NPHS1: variants seen among roughly 807,000 people sequenced by gnomAD.
The protein encoded by NPHS1 is nephrin.
In NPHS1, 107 loss-of-function variants were observed where a neutral mutation model predicts 139.7. The observed-to-expected ratio is 0.77, with a 90% CI of 0.66 to 0.90. The LOEUF is 0.90. NPHS1 is among the 40% of genes least tolerant of loss of function. The pLI, the probability that NPHS1 is intolerant of heterozygous loss-of-function variation, is 0.00. For missense variants in NPHS1, 1,580 were observed against 1,654.2 expected, an observed-to-expected ratio of 0.96 and a Z score of 0.78; for synonymous variants, 707 against 706.6, an observed-to-expected ratio of 1.00 and a Z score of -0.01.
intron 4 of NPHS1, 105 bp downstream of exon 4, chr19:35,850,856 G>C: frequency 7.0e-7 from 1 of 1,427,940 alleles, no homozygotes; most frequent in Non-Finnish European, 9.6e-7. Context: ...TCCCAGGGAT[G>C]ACATCTTTTC....
At chr19:35,846,529 T>G (rs1489841964) in intron 11 of NPHS1, among the ~76,000 whole-genome samples, 1 of 152,212 alleles carries the variant, frequency 6.6e-6, no homozygotes, top group Non-Finnish European at 1.5e-5. Flanking sequence ...ATTTCTGCTG[T>G]GTTTACCCAA....
intron 22 of NPHS1, 49 bp from the exon 23 acceptor site, chr19:35,835,810 A>T: frequency 6.6e-7 from 1 of 1,518,780 alleles, no homozygotes; most frequent in South Asian, 1.1e-5. Context: ...AATCTGAGAT[A>T]AGCTTTAAAT....
rs901240114 is a variant in NPHS1, at chr19:35,826,265, G to A, written c.*249C>T. On this transcript the variant is annotated 3_prime_UTR_variant, in exon 29 of 29. Coordinates refer to ENST00000378910, the MANE Select transcript of NPHS1 (RefSeq NM_004646.4). ...CCCGGCAGCATTTCATTTTTGAGAC[G>A]ACGTTTACAATCTGCCCTGTCCTTT... 3 of 490,836 alleles carry A rather than the reference G, an allele frequency of 6.1e-6. No homozygotes were observed. Among genetic ancestry groups the A allele is most frequent in the Non-Finnish European group, 1.1e-5 (3 of 269,244 alleles). 30.4% of individuals were successfully genotyped at this position (490,836 alleles called of 1,614,324 possible).
At chr19:35,842,925 C>T (rs889851205) in intron 17 of NPHS1, among the ~76,000 whole-genome samples, 22 of 152,130 alleles carry the variant, frequency 1.4e-4, no homozygotes, top group Admixed American at 1.1e-3. Flanking sequence ...ACCCCTGTAG[C>T]TCTCCACCCA....
In NPHS1 at chr19:35,849,560, C is replaced by CA; in HGVS notation, c.701dup (p.Asn235GlufsTer18). ...CAGTTCTCCACTTACACAGAACATT[C>CA]ACGGTGAATGAGGCCTTGATGGGGG... On this transcript the variant is annotated frameshift_variant, in exon 6 of 29. Transcript: ENST00000378910. LOFTEE classifies it high-confidence loss of function. The CA allele has an allele frequency of 6.2e-7, 1 of 1,613,842 alleles. No individual in the cohort carries two copies. Among genetic ancestry groups the CA allele is most frequent in the Non-Finnish European group, 8.5e-7 (1 of 1,179,758 alleles).
At chr19:35,849,501 TGCCTGCTCCCCATCCTCAGC>T in intron 6 of NPHS1, 29 bp downstream of exon 6, 1 of 1,594,372 alleles carries the variant, frequency 6.3e-7, no homozygotes, top group Middle Eastern at 1.7e-4. Flanking sequence ...CACCCCCCAG[TGCCTGCTCCCCATCCTCAGC>T]GCCCTAGTTG....
Position 35,830,896 on chromosome 19 carries a change from C to T in NPHS1, c.3542G>A (p.Arg1181Lys). The T allele has an allele frequency of 2.5e-6, 4 of 1,614,112 alleles. No individual in the cohort carries two copies. Among genetic ancestry groups the T allele is most frequent in the Non-Finnish European group, 3.4e-6 (4 of 1,179,964 alleles). ...FPGHLYDEVE[R>K]TYPPSGAWGP... ...CCAGGCTCCAGACGGGGGGTACGTT[C>T]TTTCTACCTCATCATACAAGTGCCC... The change falls in exon 28 of 29, where the codon AGA (arginine) becomes AAA (lysine). Residue 1181 changes from arginine (R) to lysine (K), a missense_variant. Coordinates refer to ENST00000378910, the MANE Select transcript of NPHS1 (RefSeq NM_004646.4).
At chr19:35,836,102 G>A (rs1972956037) in intron 22 of NPHS1, among the ~76,000 whole-genome samples, 1 of 137,636 alleles carries the variant, frequency 7.3e-6, no homozygotes, top group Non-Finnish European at 1.6e-5. Flanking sequence ...TGGGACTACA[G>A]GCACCTGCCA....
intron 22 of NPHS1, among the ~76,000 whole-genome samples, chr19:35,838,185 AGTGAGCCGAGACG>A (rs1173887724): frequency 6.6e-6 from 1 of 151,930 alleles, no homozygotes; most frequent in Non-Finnish European, 1.5e-5. Context: ...CGGGGGTTGC[AGTGAGCCGAGACG>A]GCACCATTGC....
intron 28 of NPHS1, among the ~76,000 whole-genome samples, chr19:35,827,253 T>A (rs1483181060): frequency 6.6e-6 from 1 of 152,028 alleles, no homozygotes; most frequent in Non-Finnish European, 1.5e-5. Flanking sequence ...AGTGCTGGGA[T>A]TATAAGTCAC....
intron 23 of NPHS1, 35 bp from the exon 24 acceptor site, chr19:35,831,797 A>G: frequency 6.5e-7 from 1 of 1,549,636 alleles, no homozygotes; most frequent in Non-Finnish European, 8.7e-7. Context: ...TGAATCCCAG[A>G]CAACAGGCTG....
intron 23 of NPHS1, among the ~76,000 whole-genome samples, chr19:35,834,412 C>T (rs900070103): frequency 3.3e-5 from 5 of 152,170 alleles, no homozygotes; most frequent in Admixed American, 6.6e-5. Flanking sequence ...CAGCACTGTT[C>T]CGCCAGACTC....
chr19:35,843,544 C>T lies in NPHS1; in HGVS notation c.2262G>A (p.Gly754=), dbSNP rs267605438. 3.1e-6 allele frequency: 5 copies of T among 1,614,136 alleles called. No homozygotes were observed. In the East Asian group the frequency reaches 8.9e-5, roughly 29 times the overall value. The stretch of plus-strand genomic sequence containing the variant: ...CAGTGCAGACTATGTCCACAGAACC[C>T]CCGACGTTCACCTCAGTGGGGTCCT... ...ALQDPTEVNV[G]GSVDIVCTVD... The change falls in exon 17 of 29, where the codon GGG becomes GGA. Residue 754 remains glycine (G), a synonymous_variant. Transcript: ENST00000378910.
At chr19:35,830,770 A>T (rs1350914474) in intron 28 of NPHS1, 74 bp downstream of exon 28, 1 of 934,640 alleles carries the variant, frequency 1.1e-6, no homozygotes, top group African/African-American at 1.6e-5. Flanking sequence ...AGCTGGCCCT[A>T]ACTAATACAA....
At chr19:35,842,041 C>T in intron 19 of NPHS1, 83 bp downstream of exon 19, 1 of 1,497,828 alleles carries the variant, frequency 6.7e-7, no homozygotes, top group Non-Finnish European at 9.1e-7. Flanking sequence ...CGTCTTCCTT[C>T]TCTGCAGGGA....
intron 22 of NPHS1, among the ~76,000 whole-genome samples, chr19:35,837,270 C>T (rs1200949820): frequency 6.6e-6 from 1 of 152,164 alleles, no homozygotes; most frequent in Non-Finnish European, 1.5e-5. Flanking sequence ...ATTTGTCCTT[C>T]TCATCCAACT....
At chr19:35,831,167 A>C (rs1972875388) in intron 26 of NPHS1, 21 bp from the exon 27 acceptor site, 1 of 1,613,382 alleles carries the variant, frequency 6.2e-7, no homozygotes, top group African/African-American at 1.3e-5. Context: ...CACGCAAAAC[A>C]AACAAAGCCC....
At chr19:35,835,199 C>CAAAAAAAAAAAAAAAAAAAA (rs71167570) in intron 23 of NPHS1, among the ~76,000 whole-genome samples, 2 of 71,212 alleles carry the variant, frequency 2.8e-5, no homozygotes, top group Non-Finnish European at 5.0e-5. Context: ...GACTCTGTCT[C>CAAAAAAAAAAAAAAAAAAAA]AAAAAAAAAA....
intron 28 of NPHS1, among the ~76,000 whole-genome samples, chr19:35,828,041 A>C (rs1972821263): frequency 6.6e-6 from 1 of 152,226 alleles, no homozygotes; most frequent in Non-Finnish European, 1.5e-5. Flanking sequence ...ACAGTTCCCT[A>C]ATCATAATAG....
Sources: gnomAD v4.1 joint callset for allele counts (sites outside exome capture counted in the v4.1 genomes callset) on GRCh38, gnomAD v4.1.1 for gene constraint, MANE v1.5 for transcripts, NCBI Gene and HGNC (gene_info 2026-07-23, HGNC 2026-07-21) for gene names.